Variants in CA3 observed in about 807,000 individuals in gnomAD.
CA3 encodes CA-III.
CA3 carries 30 observed loss-of-function variants against 35.7 expected under a neutral mutation model. That is an observed-to-expected ratio of 0.84 (90% CI 0.63 to 1.14). CA3 has a LOEUF of 1.14. CA3 is among the 50% of genes most tolerant of loss of function. The probability of loss-of-function intolerance (pLI) is 0.00; values close to 1 mark genes in which losing one functional copy is unlikely to be tolerated. For synonymous variants in CA3, 131 were observed against 130.8 expected, an observed-to-expected ratio of 1.00 and a Z score of -0.01; for missense variants, 295 against 328.5, an observed-to-expected ratio of 0.90 and a Z score of 0.79.
chr8:85,445,073 G>A (rs1811264058), intron 4 of CA3, 83 bp from the exon 5 acceptor site: 1 of 835,886 alleles, frequency 1.2e-6, no homozygotes, highest in Non-Finnish European at 1.9e-6. Flanking sequence ...AGTTGCAGAT[G>A]GATGGATCAA....
chr8:85,439,018 G>T, intron 1 of CA3, 75 bp downstream of exon 1: 1 of 1,441,674 alleles, frequency 6.9e-7, no homozygotes, highest in Admixed American at 2.0e-5. Context: ...ACAGAAATGG[G>T]CAACTTTAGA....
chr8:85,444,126 G>A lies in CA3; in HGVS notation c.444G>A (p.Lys148=). The A allele has an allele frequency of 6.3e-7, 1 of 1,598,502 alleles. No individual in the cohort carries two copies. Among genetic ancestry groups the A allele is most frequent in the Middle Eastern group, 1.7e-4 (1 of 6,026 alleles). Residue 148 remains lysine, a splice_region_variant and synonymous_variant, in exon 4 of 7, where the codon AAG becomes AAA. Coordinates refer to ENST00000285381, the MANE Select transcript of CA3 (RefSeq NM_005181.4). Reference sequence around the variant, plus strand: ...TCGCTGTGATTGGCATTTTTCTGAAGGTAAAGTAAAAATTGACTATATATT... The same window carrying A: ...TCGCTGTGATTGGCATTTTTCTGAAAGTAAAGTAAAAATTGACTATATATT... ...DGIAVIGIFL[K]IGHENGEFQI...
rs1811329787 is a variant in CA3 at position 85,448,773 on chromosome 8, T to A, written c.*620T>A. 6.6e-6 allele frequency: 1 copy of A among 152,270 alleles called. No individual in the cohort carries two copies. The highest frequency in any genetic ancestry group is 2.4e-5 in the African/African-American group (1 of 41,480). The allele number at this position is 152,270 out of a possible 1,614,324, so 9.4% of individuals were successfully genotyped here. ...AGAAAACACAATACAATCAGGAGTT[T>A]TCAAATTTTTGATTCAGTATTTGAA... On this transcript the variant is annotated 3_prime_UTR_variant, in exon 7 of 7. Transcript: ENST00000285381.
rs1439082064 is a variant in CA3, at chr8:85,445,184, T to G, written c.473T>G (p.Ile158Ser). The change falls in exon 5 of 7, where the codon ATT becomes AGT. Residue 158 changes from isoleucine (I) to serine (S), a missense_variant. Coordinates refer to ENST00000285381, the MANE Select transcript of CA3 (RefSeq NM_005181.4). ...GGACATGAGAATGGCGAGTTCCAGA[T>G]TTTCCTTGATGCATTGGACAAGATT... ...KIGHENGEFQ[I>S]FLDALDKIKT... The G allele has an allele frequency of 1.2e-6, 2 of 1,608,790 alleles. No individual in the cohort carries two copies.
intron 1 of CA3, among the ~76,000 whole-genome samples, chr8:85,439,255 T>C (rs1167625831): frequency 6.6e-6 from 1 of 152,146 alleles, no homozygotes; most frequent in Non-Finnish European, 1.5e-5. Context: ...TGACTGGCCC[T>C]TATTCTGTTT....
At chr8:85,442,387 T>C in intron 3 of CA3, 196 bp downstream of exon 3, 1 of 529,032 alleles carries the variant, frequency 1.9e-6, no homozygotes, top group East Asian at 3.2e-5. Context: ...TATAGGTGAG[T>C]TGGCATCAAA....
At position 85,448,387 on chromosome 8, in the gene CA3, C is replaced by T. The variant is rs976597076; in HGVS notation, c.*234C>T. ...TTGATCTCTGTAATAATCATCTTTC[C>T]TATAAAAGTAGCATTTTTGGTAAAG... On this transcript the variant is annotated 3_prime_UTR_variant, in exon 7 of 7. Coordinates refer to ENST00000285381, the MANE Select transcript of CA3 (RefSeq NM_005181.4). 1 of 312,520 alleles carries T rather than the reference C, an allele frequency of 3.2e-6. No individual in the cohort carries two copies. The highest frequency in any genetic ancestry group is 5.7e-6 in the Non-Finnish European group (1 of 174,308). The allele number at this position is 312,520 out of a possible 1,614,324, so 19.4% of individuals were successfully genotyped here. A position where few individuals can be genotyped will look rare whatever the true frequency, so the allele number is the denominator to read the frequency against.
chr8:85,448,388 T>C lies in CA3; in HGVS notation c.*235T>C, dbSNP rs1811323097. On this transcript the variant is annotated 3_prime_UTR_variant, in exon 7 of 7. Transcript: ENST00000285381. Reference sequence around the variant, plus strand: ...TGATCTCTGTAATAATCATCTTTCCTATAAAAGTAGCATTTTTGGTAAAGT... The same window carrying C: ...TGATCTCTGTAATAATCATCTTTCCCATAAAAGTAGCATTTTTGGTAAAGT... 3.2e-6 allele frequency: 1 copy of C among 310,724 alleles called. No individual in the cohort carries two copies. The highest frequency in any genetic ancestry group is 5.8e-6 in the Non-Finnish European group (1 of 172,880). The allele number at this position is 310,724 out of a possible 1,614,324, so 19.2% of individuals were successfully genotyped here.
At chr8:85,441,960 G>A in intron 2 of CA3, 113 bp from the exon 3 acceptor site, 1 of 717,102 alleles carries the variant, frequency 1.4e-6, no homozygotes, top group Non-Finnish European at 2.6e-6. Context: ...CATCCACCCA[G>A]CAAACTGACC....
rs1286813001 is a variant in CA3, at chr8:85,438,956, A to T, written c.34+13A>T. Reference sequence around the variant, plus strand: ...GCCAGTCACAACGGTGAGTGCAGGCAGCCGCGACCCGGCCAGGAAGGGATG... The same window carrying T: ...GCCAGTCACAACGGTGAGTGCAGGCTGCCGCGACCCGGCCAGGAAGGGATG... On this transcript the variant is annotated intron_variant, in intron 1 of 6. Coordinates refer to ENST00000285381, the MANE Select transcript of CA3 (RefSeq NM_005181.4). 6.4e-7 allele frequency: 1 copy of T among 1,551,036 alleles called. No homozygotes were observed. Among genetic ancestry groups the T allele is most frequent in the Non-Finnish European group, 8.7e-7 (1 of 1,146,958 alleles).
chr8:85,448,212 T>C lies in CA3; in HGVS notation c.*59T>C, dbSNP rs1811320479. The C allele has an allele frequency of 2.0e-6, 3 of 1,513,922 alleles. No individual in the cohort carries two copies. The highest frequency in any genetic ancestry group is 2.7e-6 in the Non-Finnish European group (3 of 1,130,276). The allele number at this position is 1,513,922 out of a possible 1,614,324, so 93.8% of individuals were successfully genotyped here. On this transcript the variant is annotated 3_prime_UTR_variant, in exon 7 of 7. Transcript: ENST00000285381. The stretch of plus-strand genomic sequence containing the variant: ...ACCTACCATTGGAGAGCTTGGTTCC[T>C]TGCCTCCTTCTGGTGCTCCTTACTC...
rs1238539768 is a variant in CA3 at position 85,448,360 on chromosome 8, A to G, written c.*207A>G. ...TCTAATATGAAAGCATAGATTTCAC[A>G]TTTGATCTCTGTAATAATCATCTTT... On this transcript the variant is annotated 3_prime_UTR_variant, in exon 7 of 7. Coordinates refer to ENST00000285381, the MANE Select transcript of CA3 (RefSeq NM_005181.4). 10 of 394,902 alleles carry G rather than the reference A, an allele frequency of 2.5e-5. No homozygotes were observed. Among genetic ancestry groups the G allele is most frequent in the African/African-American group, 4.1e-5 (2 of 48,572 alleles). The allele number at this position is 394,902 out of a possible 1,614,324, so 24.5% of individuals were successfully genotyped here.
At chr8:85,441,575 A>T (rs1811207204) in intron 2 of CA3, among the ~76,000 whole-genome samples, 1 of 152,246 alleles carries the variant, frequency 6.6e-6, no homozygotes, top group African/African-American at 2.4e-5. Context: ...ATCTCAGTTA[A>T]TCTTCACAGC....
chr8:85,446,712 G>T (rs1350466822), intron 6 of CA3, among the ~76,000 whole-genome samples: 1 of 152,192 alleles, frequency 6.6e-6, no homozygotes, highest in African/African-American at 2.4e-5. Flanking sequence ...TATTATTTCT[G>T]CAGTTTTACA....
At chr8:85,445,503 AAC>A (rs766933947) in intron 5 of CA3, among the ~76,000 whole-genome samples, 400 of 122,734 alleles carry the variant, frequency 3.3e-3, no homozygotes, top group African/African-American at 3.8e-3. Context: ...ATCCTCGCCC[AAC>A]ACACACACAC....
intron 2 of CA3, among the ~76,000 whole-genome samples, chr8:85,440,741 A>C (rs1468827896): frequency 6.6e-6 from 1 of 152,180 alleles, no homozygotes; most frequent in Non-Finnish European, 1.5e-5. Flanking sequence ...ACATAAATGA[A>C]CATTCTTAAT....
chr8:85,442,646 G>A (rs1402642661), intron 3 of CA3, among the ~76,000 whole-genome samples: 3 of 152,136 alleles, frequency 2.0e-5, no homozygotes, highest in Non-Finnish European at 4.4e-5. Flanking sequence ...CTGGGAGGTC[G>A]AGGCTGCAGT....
At chr8:85,442,955 C>A (rs1811227981) in intron 3 of CA3, among the ~76,000 whole-genome samples, 1 of 152,172 alleles carries the variant, frequency 6.6e-6, no homozygotes, top group Non-Finnish European at 1.5e-5. Flanking sequence ...TACAGACTGG[C>A]TTCAGAATTC....
rs1027869180 is a variant in CA3 at position 85,438,930 on chromosome 8, C to A, written c.21C>A (p.Tyr7Ter). MAKEWG[Y>*]ASHNGPDHWH... is the part of the protein sequence containing the mutation. ...CGACCATGGCCAAGGAGTGGGGCTA[C>A]GCCAGTCACAACGGTGAGTGCAGGC... The change falls in exon 1 of 7, where the codon TAC becomes TAA. Residue 7 changes from tyrosine to a stop codon, truncating the protein, a stop_gained. Coordinates refer to ENST00000285381, the MANE Select transcript of CA3 (RefSeq NM_005181.4). LOFTEE classifies it high-confidence loss of function. 1 of 1,551,160 alleles carries A rather than the reference C, an allele frequency of 6.4e-7. No individual in the cohort carries two copies. The highest frequency in any genetic ancestry group is 2.0e-5 in the Admixed American group (1 of 51,006).
Sources: allele counts gnomAD v4.1 joint callset (sites outside exome capture counted in the v4.1 genomes callset), GRCh38; gene constraint gnomAD v4.1.1; transcripts MANE v1.5; gene names NCBI Gene and HGNC (gene_info 2026-07-23, HGNC 2026-07-21).